The following PLXDC1 variants were observed in gnomAD, a reference collection of about 807,000 sequenced individuals.
PLXDC1 encodes plexin domain-containing protein 1.
In PLXDC1, 39 loss-of-function variants were observed where a neutral mutation model predicts 61.3. The ratio of observed to expected loss-of-function variants is 0.64; its 90% CI spans 0.49 to 0.83. PLXDC1 has a LOEUF of 0.83. PLXDC1 is among the 40% of genes least tolerant of loss of function. PLXDC1 has a pLI of 0.00. For missense variants in PLXDC1, 596 were observed against 666.5 expected (o/e 0.89, Z 1.17); for synonymous variants, 212 against 254.5 (o/e 0.83, Z 1.59).
At chr17:39,098,405 G>C (rs757180368) in intron 7 of PLXDC1, among the ~76,000 whole-genome samples, 1 of 152,052 alleles carries the variant, frequency 6.6e-6, no homozygotes. Context: ...CAAGGTCTAT[G>C]CTATGTCCAT....
At chr17:39,132,635 G>A (rs1159827603) in intron 2 of PLXDC1, among the ~76,000 whole-genome samples, 1 of 152,208 alleles carries the variant, frequency 6.6e-6, no homozygotes, top group Non-Finnish European at 1.5e-5. Flanking sequence ...GAGCATTGTG[G>A]TGAGATGGCC....
Position 39,088,963 on chromosome 17 carries a change from A to AAAAG in PLXDC1, c.812-1262_812-1261insCTTT, listed in dbSNP as rs1555570853. Among the ~76,000 whole-genome samples the AAAAG allele has an allele frequency of 4.2e-5, 5 of 119,604 alleles. No individual in the cohort carries two copies. The East Asian group carries it at 1.0e-3, about 25-fold the overall frequency. 78.5% of individuals were successfully genotyped at this position (119,604 alleles called of 152,430 possible). On this transcript the variant is annotated intron_variant, in intron 7 of 13. Transcript: ENST00000315392. Reference sequence around the variant, plus strand: ...AGACTGAAAAAAAAAAAAAAAAAAAAAGAGAGAGAGAGAAAAAGAAAGAAA... The same window carrying AAAAG: ...AGACTGAAAAAAAAAAAAAAAAAAAAAAAGAGAGAGAGAGAGAAAAAGAAAGAAA...
intron 7 of PLXDC1, among the ~76,000 whole-genome samples, chr17:39,090,426 G>GC (rs946112921): frequency 6.6e-6 from 1 of 152,206 alleles, no homozygotes; most frequent in Non-Finnish European, 1.5e-5. Context: ...GCTGCTCCAG[G>GC]CCGAGTGGAA....
chr17:39,128,088 T>TATGTATATATATATATATATA (rs1213213801), intron 2 of PLXDC1, among the ~76,000 whole-genome samples: 4,694 of 104,550 alleles, frequency 0.045, 631 homozygotes, highest in Middle Eastern at 0.057. Flanking sequence ...TCTCTCTCTC[T>TATGTATATATATATATATATA]CTCTATGTGT....
At chr17:39,099,228 C>G (rs1910332854) in intron 7 of PLXDC1, among the ~76,000 whole-genome samples, 1 of 151,982 alleles carries the variant, frequency 6.6e-6, no homozygotes, top group African/African-American at 2.4e-5. Flanking sequence ...TTGTGCTTCC[C>G]CGCCCCCTTC....
chr17:39,109,127 C>A (rs1910703904), intron 3 of PLXDC1, 121 bp downstream of exon 3: 7 of 1,382,970 alleles, frequency 5.1e-6, no homozygotes, highest in Non-Finnish European at 7.0e-6. Flanking sequence ...CATGGGAACC[C>A]CTGGAAGGTA....
intron 4 of PLXDC1, 120 bp downstream of exon 4, chr17:39,108,784 C>T: frequency 1.4e-6 from 1 of 694,856 alleles, no homozygotes; most frequent in Non-Finnish European, 2.6e-6. Context: ...CCTATTAGAG[C>T]CAAATGTGCC....
chr17:39,089,148 G>A (rs1046362014), intron 7 of PLXDC1, among the ~76,000 whole-genome samples: 2 of 152,148 alleles, frequency 1.3e-5, no homozygotes, highest in African/African-American at 4.8e-5. Flanking sequence ...ACACCCTTTC[G>A]TCTTCTGGAA....
chr17:39,072,186 A>G, intron 12 of PLXDC1: 1 of 527,196 alleles, frequency 1.9e-6, no homozygotes, highest in Non-Finnish European at 3.4e-6. Flanking sequence ...GTGAATATTC[A>G]AGGACAGAGA....
intron 12 of PLXDC1, among the ~76,000 whole-genome samples, chr17:39,071,761 G>T (rs575808314): frequency 4.6e-5 from 7 of 152,236 alleles, no homozygotes; most frequent in Middle Eastern, 3.4e-3. Context: ...TCTGCTGGGG[G>T]ACACCATCAC....
intron 2 of PLXDC1, among the ~76,000 whole-genome samples, chr17:39,110,934 G>A (rs1910778134): frequency 6.6e-6 from 1 of 152,138 alleles, no homozygotes; most frequent in South Asian, 2.1e-4. Flanking sequence ...GACAGCCCAT[G>A]CCTCCACCCA....
chr17:39,099,365 C>A (rs1046006948), intron 7 of PLXDC1, among the ~76,000 whole-genome samples: 4 of 152,146 alleles, frequency 2.6e-5, no homozygotes, highest in African/African-American at 7.2e-5. Flanking sequence ...CTTGATCAGG[C>A]ACACGTTTCC....
intron 2 of PLXDC1, among the ~76,000 whole-genome samples, chr17:39,139,299 T>G (rs1210159253): frequency 6.6e-6 from 1 of 152,134 alleles, no homozygotes; most frequent in African/African-American, 2.4e-5. Flanking sequence ...AAGGGCCCCA[T>G]CTGGCAGCTG....
chr17:39,082,563 CAA>C (rs11414417), intron 9 of PLXDC1, among the ~76,000 whole-genome samples: 3 of 143,740 alleles, frequency 2.1e-5, no homozygotes, highest in Non-Finnish European at 3.0e-5. Flanking sequence ...AAAACTCTCT[CAA>C]AAAAAAAAAA....
chr17:39,080,844 T>G (rs905391886), intron 9 of PLXDC1: 2 of 152,430 alleles, frequency 1.3e-5, no homozygotes, highest in African/African-American at 4.8e-5. Context: ...CTGACCAACC[T>G]CCTAATGTTG....
upstream of PLXDC1, among the ~76,000 whole-genome samples, chr17:39,152,068 C>T (rs1414140798): frequency 2.6e-5 from 4 of 152,036 alleles, no homozygotes; most frequent in Non-Finnish European, 5.9e-5. Context: ...GTCTCTGATG[C>T]TTTGTCCTCC....
chr17:39,128,765 C>T (rs1911435594), intron 2 of PLXDC1, among the ~76,000 whole-genome samples: 1 of 151,918 alleles, frequency 6.6e-6, no homozygotes, highest in Admixed American at 6.6e-5. Context: ...AATCCCAGCA[C>T]TTTGGGAGGT....
At chr17:39,073,342 A>G (rs999703247) in intron 11 of PLXDC1, 2 of 152,222 alleles carry the variant, frequency 1.3e-5, no homozygotes, top group African/African-American at 4.8e-5. Flanking sequence ...AGGTATTTAA[A>G]CACAACTTTG....
At chr17:39,134,087 C>T (rs1237490313) in intron 2 of PLXDC1, among the ~76,000 whole-genome samples, 1 of 151,916 alleles carries the variant, frequency 6.6e-6, no homozygotes, top group Non-Finnish European at 1.5e-5. Flanking sequence ...GAAACCCCAT[C>T]TCTACTAAAA....
Sources: gnomAD v4.1 joint callset for allele counts (sites outside exome capture counted in the v4.1 genomes callset) on GRCh38, gnomAD v4.1.1 for gene constraint, MANE v1.5 for transcripts, NCBI Gene and HGNC (gene_info 2026-07-23, HGNC 2026-07-21) for gene names.